Variants in CISD2 observed in about 807,000 individuals in gnomAD.
The protein encoded by CISD2 is CDGSH iron-sulfur domain-containing protein 2.
CISD2 carries 1 observed loss-of-function variant against 12.9 expected under a neutral mutation model. The ratio of observed to expected loss-of-function variants is 0.08; its 90% confidence interval spans 0.03 to 0.37. The LOEUF (loss-of-function observed/expected upper bound fraction) is 0.37, where lower values mean the gene tolerates loss of function less well. Ranked by LOEUF, CISD2 falls within the 10% of genes least tolerant of loss-of-function variation. CISD2 has a pLI of 0.99. For missense variants in CISD2, 97 were observed against 163.1 expected (o/e 0.59, Z 2.21); for synonymous variants, 50 against 60.6 (o/e 0.83, Z 0.81).
chr4:102,874,889 C>A (rs556047098), intron 1 of CISD2, among the ~76,000 whole-genome samples: 1 of 152,308 alleles, frequency 6.6e-6, no homozygotes, highest in African/African-American at 2.4e-5. Flanking sequence ...GCCTTGTCTT[C>A]TTCCACTAGC....
At chr4:102,883,166 G>T (rs2110398266) in intron 1 of CISD2, among the ~76,000 whole-genome samples, 2 of 152,298 alleles carry the variant, frequency 1.3e-5, no homozygotes, top group Admixed American at 1.3e-4. Context: ...CTGTGAGCAT[G>T]CCTTTCATAT....
intron 1 of CISD2, chr4:102,882,863 C>CA (rs1560904681): frequency 6.6e-6 from 1 of 152,254 alleles, no homozygotes; most frequent in Non-Finnish European, 1.5e-5. Flanking sequence ...TCTCCTGCCT[C>CA]AGCCTCCCAG....
At chr4:102,882,226 C>T (rs1733738392) in intron 1 of CISD2, among the ~76,000 whole-genome samples, 1 of 152,018 alleles carries the variant, frequency 6.6e-6, no homozygotes, top group Non-Finnish European at 1.5e-5. Flanking sequence ...TCTTTGCGTT[C>T]CCATTCACTC....
intron 1 of CISD2, among the ~76,000 whole-genome samples, chr4:102,877,439 G>A (rs1733616695): frequency 6.6e-6 from 1 of 152,228 alleles, no homozygotes; most frequent in African/African-American, 2.4e-5. Context: ...TGTCACATCT[G>A]GAGAACACTG....
rs906816873 is a variant in CISD2, at chr4:102,891,215, A to G, written c.*3785A>G. ...CTTTTTAAAAAATTTTTAATGGTAG[A>G]GGCAGCAGCTACCCAGAGTCTACTT... On this transcript the variant is annotated 3_prime_UTR_variant, in exon 3 of 3. Transcript: ENST00000273986. 6.1e-5 allele frequency: 9 copies of G among 146,828 alleles called. 1 individual carries two copies. The highest frequency in any genetic ancestry group is 2.5e-4 in the African/African-American group (9 of 36,614). The allele number at this position is 146,828 out of a possible 1,614,324, so 9.1% of individuals were successfully genotyped here. A position where few individuals can be genotyped will look rare whatever the true frequency, so the allele number is the denominator to read the frequency against.
In CISD2 at chr4:102,887,537, C is replaced by A. The variant is rs1733992707; in HGVS notation, c.*107C>A. On this transcript the variant is annotated 3_prime_UTR_variant, in exon 3 of 3. Transcript: ENST00000273986. ...TTATTTCTTCCAATTTATTTTCTTC[C>A]TGCACTACTGTTTGTATTTGATCCT... 4.8e-6 allele frequency: 3 copies of A among 625,362 alleles called. No individual in the cohort carries two copies. Among genetic ancestry groups the A allele is most frequent in the African/African-American group, 1.8e-5 (1 of 54,396 alleles). The allele number at this position is 625,362 out of a possible 1,614,324, so 38.7% of individuals were successfully genotyped here. A position where few individuals can be genotyped will look rare whatever the true frequency, so the allele number is the denominator to read the frequency against.
chr4:102,869,997 C>T (rs1229121402), intron 1 of CISD2, among the ~76,000 whole-genome samples: 3 of 152,256 alleles, frequency 2.0e-5, no homozygotes, highest in African/African-American at 4.8e-5. Flanking sequence ...GAGTTATGAG[C>T]ATTTCATTGT....
rs1342949432 is a variant in CISD2 at position 102,890,526 on chromosome 4, C to T, written c.*3096C>T. ...GAGACCAGGGGAGATGTTACTAATG[C>T]TTGTACTTTATTCAGAAATGAGTGC... On this transcript the variant is annotated 3_prime_UTR_variant, in exon 3 of 3. Coordinates refer to ENST00000273986, the MANE Select transcript of CISD2 (RefSeq NM_001008388.5). The T allele has an allele frequency of 6.6e-6, 1 of 152,064 alleles. No individual in the cohort carries two copies. The highest frequency in any genetic ancestry group is 2.4e-5 in the African/African-American group (1 of 41,396). The allele number at this position is 152,064 out of a possible 1,614,324, so 9.4% of individuals were successfully genotyped here. A position where few individuals can be genotyped will look rare whatever the true frequency, so the allele number is the denominator to read the frequency against.
intron 1 of CISD2, among the ~76,000 whole-genome samples, chr4:102,875,978 A>G (rs1733582821): frequency 6.6e-6 from 1 of 152,032 alleles, no homozygotes; most frequent in African/African-American, 2.4e-5. Flanking sequence ...CTGACCCCTT[A>G]CCTAAAATTG....
intron 1 of CISD2, among the ~76,000 whole-genome samples, chr4:102,876,665 A>T (rs1283693783): frequency 6.6e-6 from 1 of 152,048 alleles, no homozygotes; most frequent in African/African-American, 2.4e-5. Flanking sequence ...CAGGAGAATC[A>T]CTTGAACCCC....
intron 1 of CISD2, among the ~76,000 whole-genome samples, chr4:102,873,088 C>A (rs1472475481): frequency 6.6e-6 from 1 of 152,076 alleles, no homozygotes; most frequent in Non-Finnish European, 1.5e-5. Context: ...CATGAGAACT[C>A]ACTCACTATC....
At position 102,888,890 on chromosome 4, in the gene CISD2, A is replaced by C. The variant is rs551020965; in HGVS notation, c.*1460A>C. Reference sequence around the variant, plus strand: ...GGAAACTGCTTAGTTGAGAAAAGACAAATACAAAAGCTTTTCTTTAGTCTA... The same window carrying C: ...GGAAACTGCTTAGTTGAGAAAAGACCAATACAAAAGCTTTTCTTTAGTCTA... On this transcript the variant is annotated 3_prime_UTR_variant, in exon 3 of 3. Coordinates refer to ENST00000273986, the MANE Select transcript of CISD2 (RefSeq NM_001008388.5). 6.6e-6 allele frequency: 1 copy of C among 152,398 alleles called. No individual in the cohort carries two copies. Among genetic ancestry groups the C allele is most frequent in the Non-Finnish European group, 1.5e-5 (1 of 68,042 alleles). 9.4% of individuals were successfully genotyped at this position (152,398 alleles called of 1,614,324 possible).
Position 102,889,009 on chromosome 4 carries a change from T to C in CISD2, c.*1579T>C, listed in dbSNP as rs1415936655. 1 of 152,114 alleles carries C rather than the reference T, an allele frequency of 6.6e-6. No individual in the cohort carries two copies. 9.4% of individuals were successfully genotyped at this position (152,114 alleles called of 1,614,324 possible). ...TAATCCTTCTAGAAATAAAACTAATTGTTATTGGGCACTTGTATGTACCAG... is the reference window on the plus strand; with the variant it reads ...TAATCCTTCTAGAAATAAAACTAATCGTTATTGGGCACTTGTATGTACCAG... On this transcript the variant is annotated 3_prime_UTR_variant, in exon 3 of 3. Coordinates refer to ENST00000273986, the MANE Select transcript of CISD2 (RefSeq NM_001008388.5).
At chr4:102,885,578 A>G in intron 2 of CISD2, 148 bp downstream of exon 2, 1 of 684,458 alleles carries the variant, frequency 1.5e-6, no homozygotes, top group South Asian at 1.7e-5. Context: ...TGAAGTTTTC[A>G]TGTCATGATA....
At position 102,892,028 on chromosome 4, in the gene CISD2, T is replaced by C. The variant is rs1210220172; in HGVS notation, c.*4598T>C. On this transcript the variant is annotated 3_prime_UTR_variant, in exon 3 of 3. Transcript: ENST00000273986. ...GTCTTTTACTGGAAACTTGCTATAT[T>C]TGATCATGTTCAGCAAGTAAACTAA... 1 of 152,178 alleles carries C rather than the reference T, an allele frequency of 6.6e-6. No individual in the cohort carries two copies. Among genetic ancestry groups the C allele is most frequent in the Non-Finnish European group, 1.5e-5 (1 of 68,024 alleles). The allele number at this position is 152,178 out of a possible 1,614,324, so 9.4% of individuals were successfully genotyped here.
rs564731272 is a variant in CISD2, at chr4:102,872,205, A to G, written c.103+3018A>G. 3.3e-5 allele frequency among the ~76,000 whole-genome samples: 5 copies of G among 152,144 alleles called. No individual in the cohort carries two copies. In the South Asian group the frequency reaches 1.0e-3, roughly 32 times the overall value. ...TGCCTCAGCCTCCTAAGTAGCCGGG[A>G]CTACAGGCATGTGCCACCATGCCTG... On this transcript the variant is annotated intron_variant, in intron 1 of 2. Coordinates refer to ENST00000273986, the MANE Select transcript of CISD2 (RefSeq NM_001008388.5).
At chr4:102,886,822 C>A (rs1174276286) in intron 2 of CISD2, among the ~76,000 whole-genome samples, 2 of 152,064 alleles carry the variant, frequency 1.3e-5, no homozygotes, top group Admixed American at 6.6e-5. Context: ...ACCATGTTGG[C>A]CAGACTAGTC....
At chr4:102,873,315 G>A (rs1733508561) in intron 1 of CISD2, among the ~76,000 whole-genome samples, 1 of 152,162 alleles carries the variant, frequency 6.6e-6, no homozygotes, top group Admixed American at 6.5e-5. Flanking sequence ...TGCCCAGGCT[G>A]GAGTGCAGGT....
intron 1 of CISD2, among the ~76,000 whole-genome samples, chr4:102,877,537 G>A (rs1049446001): frequency 6.6e-6 from 1 of 152,222 alleles, no homozygotes; most frequent in Admixed American, 6.5e-5. Context: ...CATGGTGCAA[G>A]CTGTTGTTAG....
Sources: allele counts gnomAD v4.1 joint callset (sites outside exome capture counted in the v4.1 genomes callset), GRCh38; gene constraint gnomAD v4.1.1; transcripts MANE v1.5; gene names NCBI Gene and HGNC (gene_info 2026-07-23, HGNC 2026-07-21).